The following SLC24A1 variants were observed in gnomAD, a reference collection of about 807,000 sequenced individuals.
The protein encoded by SLC24A1 is sodium/potassium/calcium exchanger 1.
A neutral mutation model predicts 88.1 loss-of-function variants in SLC24A1; 52 were observed. That is an observed-to-expected ratio of 0.59 (90% CI 0.47 to 0.74). The LOEUF is 0.74. SLC24A1 is among the 30% of genes least tolerant of loss of function. SLC24A1 has a pLI of 0.00. For missense variants in SLC24A1, 1,173 were observed against 1,363.3 expected (o/e 0.86, Z 2.20); for synonymous variants, 455 against 498.0 (o/e 0.91, Z 1.15).
Position 65,625,877 on chromosome 15 carries a change from C to A in SLC24A1, c.1797C>A (p.Thr599=), listed in dbSNP as rs1233559224. The A allele has an allele frequency of 6.2e-7, 1 of 1,613,990 alleles. No individual in the cohort carries two copies. The highest frequency in any genetic ancestry group is 1.7e-5 in the Admixed American group (1 of 60,034). Reference sequence around the variant, plus strand: ...TGGCCTATGCCTTCTATGTGTTCACCATGAAGTGGAACAAGCATATCGAGG... The same window carrying A: ...TGGCCTATGCCTTCTATGTGTTCACAATGAAGTGGAACAAGCATATCGAGG... ...LLLAYAFYVF[T]MKWNKHIEVW... is the part of the protein sequence containing the mutation. Residue 599 remains threonine (T), a synonymous_variant, in exon 2 of 10, where the codon ACC becomes ACA. Transcript: ENST00000261892.
rs2074475073 is a variant in SLC24A1 at position 65,625,418 on chromosome 15, T to G, written c.1338T>G (p.Ser446Arg). Residue 446 changes from serine to arginine, a missense_variant, in exon 2 of 10, where the codon AGT (serine) becomes AGG (arginine). Ser to Arg is a moderately radical substitution (Grantham distance 110). Transcript: ENST00000261892. Reference sequence around the variant, plus strand: ...GAGAGTACCCCCCAGATCTGTTCAGTGTGGAGGAGCGGCGGCAGGGCTGGG... The same window carrying G: ...GAGAGTACCCCCCAGATCTGTTCAGGGTGGAGGAGCGGCGGCAGGGCTGGG... ...PKGEYPPDLF[S>R]VEERRQGWVV... 3.1e-6 allele frequency: 5 copies of G among 1,613,850 alleles called. No individual in the cohort carries two copies. The highest frequency in any genetic ancestry group is 3.4e-6 in the Non-Finnish European group (4 of 1,179,886).
downstream of SLC24A1, chr15:65,659,163 C>T (rs1437567419): frequency 1.3e-5 from 2 of 151,952 alleles, no homozygotes; most frequent in Admixed American, 6.6e-5. Flanking sequence ...ACCATTTAAA[C>T]ATATAAACAA....
chr15:65,648,673 T>A (rs2075393020), intron 6 of SLC24A1, among the ~76,000 whole-genome samples: 2 of 150,442 alleles, frequency 1.3e-5, no homozygotes, highest in African/African-American at 2.4e-5. Flanking sequence ...TATTTATTTA[T>A]TTTTTTTAAG....
intron 4 of SLC24A1, among the ~76,000 whole-genome samples, chr15:65,641,934 T>C (rs1452221642): frequency 6.6e-6 from 1 of 152,198 alleles, no homozygotes; most frequent in African/African-American, 2.4e-5. Context: ...GATCCGGCCC[T>C]GCTGAGAGGG....
In SLC24A1 at chr15:65,654,976, C is replaced by T. The variant is rs1454393487; in HGVS notation, c.*897C>T. The T allele has an allele frequency of 2.9e-6, 3 of 1,018,894 alleles. No individual in the cohort carries two copies. The highest frequency in any genetic ancestry group is 3.5e-6 in the Non-Finnish European group (3 of 849,242). The allele number at this position is 1,018,894 out of a possible 1,614,324, so 63.1% of individuals were successfully genotyped here. On this transcript the variant is annotated 3_prime_UTR_variant, in exon 10 of 10. Transcript: ENST00000261892. Reference sequence around the variant, plus strand: ...TTTCTGAAAAGTGAAATTTAAAAAGCAGCCTGAAAAATAAAAATTTATAAT... The same window carrying T: ...TTTCTGAAAAGTGAAATTTAAAAAGTAGCCTGAAAAATAAAAATTTATAAT...
Position 65,622,755 on chromosome 15 carries a change from TC to T in SLC24A1, c.-127+664del, listed in dbSNP as rs2074363213. The stretch of plus-strand genomic sequence containing the variant: ...GTTCAGTGCTTTTCTTTTTTTTTTT[TC>T]TTTGAGACAGAGTCTTGCTCTGTTG... On this transcript the variant is annotated intron_variant, in intron 1 of 9. Transcript: ENST00000261892. 2.6e-5 allele frequency among the ~76,000 whole-genome samples: 4 copies of T among 152,032 alleles called. 1 individual carries two copies. In the South Asian group the frequency reaches 8.3e-4, roughly 32 times the overall value.
At chr15:65,622,803 A>G (rs1314616014) in intron 1 of SLC24A1, among the ~76,000 whole-genome samples, 9 of 150,204 alleles carry the variant, frequency 6.0e-5, no homozygotes, top group Non-Finnish European at 1.2e-4. Context: ...GTGCAATGGT[A>G]TGATCTCAAC....
chr15:65,648,829 G>C (rs759207099), intron 6 of SLC24A1, among the ~76,000 whole-genome samples: 1 of 151,398 alleles, frequency 6.6e-6, no homozygotes, highest in African/African-American at 2.4e-5. Flanking sequence ...AGGGGTATGG[G>C]GTCTCACTAT....
At chr15:65,622,898 C>T (rs1208234894) in intron 1 of SLC24A1, among the ~76,000 whole-genome samples, 1 of 152,020 alleles carries the variant, frequency 6.6e-6, no homozygotes, top group Admixed American at 6.6e-5. Flanking sequence ...TGCACCACCA[C>T]GCCTGGCTAA....
At position 65,650,659 on chromosome 15, in the gene SLC24A1, A is replaced by G; in HGVS notation, c.2510A>G (p.Asn837Ser). The G allele has an allele frequency of 6.5e-7, 1 of 1,547,960 alleles. No individual in the cohort carries two copies. Among genetic ancestry groups the G allele is most frequent in the Non-Finnish European group, 8.7e-7 (1 of 1,144,360 alleles). The change falls in exon 7 of 10, where the codon AAT becomes AGT. Residue 837 changes from asparagine to serine, a missense_variant. By Grantham distance (46) the Asn-to-Ser change is conservative. Coordinates refer to ENST00000261892, the MANE Select transcript of SLC24A1 (RefSeq NM_004727.3). The surrounding 1 kb of genome is among the most constrained non-coding windows in gnomAD (Gnocchi z 4.1). ...GAAAGCCAGGAACTCAGTGCTGAAAATCACGGTGAAGCCAAAAATGATGAG... is the reference window on the plus strand; with the variant it reads ...GAAAGCCAGGAACTCAGTGCTGAAAGTCACGGTGAAGCCAAAAATGATGAG... ...ETESQELSAE[N>S]HGEAKNDEKG...
At chr15:65,618,856 T>G (rs2074231065), upstream of SLC24A1, 1 of 152,282 alleles carries the variant, frequency 6.6e-6, no homozygotes, top group South Asian at 2.1e-4. Context: ...TCCTCTGAAA[T>G]CACCTCTCTG....
chr15:65,614,464 A>C lies in SLC24A1; in HGVS notation c.-228+1851A>C, dbSNP rs190456007. On this transcript the variant is annotated intron_variant, in intron 2 of 11. Transcript: ENST00000537259. ...CTTTGGTTATTTGAATCAGGATCCA[A>C]GTAAGATCCAGATATTGAAATCCGT... 1.6e-4 allele frequency among the ~76,000 whole-genome samples: 24 copies of C among 152,352 alleles called. No individual in the cohort carries two copies. The East Asian group carries it at 4.6e-3, about 29-fold the overall frequency.
At chr15:65,626,133 A>C (rs1296954940) in intron 2 of SLC24A1, among the ~76,000 whole-genome samples, 163 bp downstream of exon 2, 3 of 152,204 alleles carry the variant, frequency 2.0e-5, no homozygotes, top group Non-Finnish European at 4.4e-5. Context: ...TCTGCCAGGC[A>C]CTGTGCTGGG....
chr15:65,632,158 A>G (rs1485227654), intron 2 of SLC24A1, among the ~76,000 whole-genome samples: 3 of 152,208 alleles, frequency 2.0e-5, no homozygotes, highest in Non-Finnish European at 4.4e-5. Flanking sequence ...CAACAAGGGA[A>G]TGAAGTAATG....
chr15:65,649,003 G>A (rs1003385733), intron 6 of SLC24A1, among the ~76,000 whole-genome samples: 2 of 152,188 alleles, frequency 1.3e-5, no homozygotes, highest in Non-Finnish European at 2.9e-5. Flanking sequence ...GTCTAAAGGT[G>A]GATGTTTTAG....
Position 65,654,259 on chromosome 15 carries a change from T to C in SLC24A1, c.*180T>C. The C allele has an allele frequency of 7.1e-7, 1 of 1,406,476 alleles. No individual in the cohort carries two copies. The highest frequency in any genetic ancestry group is 2.6e-5 in the East Asian group (1 of 39,012). 87.1% of individuals were successfully genotyped at this position (1,406,476 alleles called of 1,614,324 possible). On this transcript the variant is annotated 3_prime_UTR_variant, in exon 10 of 10. Transcript: ENST00000261892. Reference sequence around the variant, plus strand: ...GTCCTTGGAAACACCTGCAGCTCATTGTGGATTAAGAACCTCACCCCTGGA... The same window carrying C: ...GTCCTTGGAAACACCTGCAGCTCATCGTGGATTAAGAACCTCACCCCTGGA...
chr15:65,660,075 G>C (rs1280799628), downstream of SLC24A1: 24 of 486,574 alleles, frequency 4.9e-5, 1 homozygote, highest in Non-Finnish European at 8.0e-5. Flanking sequence ...GTTTCTCTCA[G>C]TTGACAACTT....
At chr15:65,621,915 A>G (rs974354579), upstream of SLC24A1, 3 of 152,226 alleles carry the variant, frequency 2.0e-5, no homozygotes, top group African/African-American at 7.2e-5. Context: ...ACGATCGGAT[A>G]TTCTTCCCCT....
chr15:65,657,624 A>C (rs561427586), downstream of SLC24A1, among the ~76,000 whole-genome samples: 1 of 152,392 alleles, frequency 6.6e-6, no homozygotes, highest in South Asian at 2.1e-4. Flanking sequence ...AGCCTGGGCA[A>C]CAGCGAGACT....
Sources: allele counts gnomAD v4.1 joint callset (sites outside exome capture counted in the v4.1 genomes callset), GRCh38; gene constraint gnomAD v4.1.1; non-coding constraint Gnocchi (gnomAD v3.1); transcripts MANE v1.5; gene names NCBI Gene and HGNC (gene_info 2026-07-23, HGNC 2026-07-21).